The following ZNF536 variants were observed in gnomAD, a reference collection of about 807,000 sequenced individuals.
ZNF536 encodes the protein zinc finger protein 536.
ZNF536 carries 13 observed loss-of-function variants against 84.5 expected under a neutral mutation model. That is an observed-to-expected ratio of 0.15 (90% CI 0.10 to 0.24). The LOEUF (loss-of-function observed/expected upper bound fraction) is 0.24, where lower values mean the gene tolerates loss of function less well. Ranked by LOEUF, ZNF536 falls within the 10% of genes least tolerant of loss-of-function variation. ZNF536 has a pLI of 1.00. For missense variants in ZNF536, 1,536 were observed against 1,747.5 expected (o/e 0.88, Z 2.16); for synonymous variants, 811 against 742.5 (o/e 1.09, Z -1.50).
At chr19:30,368,621 T>TAAA (rs1224727258), upstream of ZNF536, among the ~76,000 whole-genome samples, 4 of 152,224 alleles carry the variant, frequency 2.6e-5, no homozygotes, top group Admixed American at 2.6e-4. Context: ...TATTTTTACA[T>TAAA]GAAACTCAAC....
At chr19:30,572,715 G>T (rs536536519) in intron 1 of ZNF536, among the ~76,000 whole-genome samples, 2 of 152,130 alleles carry the variant, frequency 1.3e-5, no homozygotes, top group Non-Finnish European at 2.9e-5. Context: ...AAATAAGTTC[G>T]GCATAGGATG....
intron 1 of ZNF536, among the ~76,000 whole-genome samples, chr19:30,590,713 GC>G (rs763778199): frequency 1.3e-5 from 2 of 152,188 alleles, no homozygotes; most frequent in Non-Finnish European, 2.9e-5. Context: ...ACCTCACAGA[GC>G]CCCTTTCAGT....
rs527724928 is a variant in ZNF536 at position 30,383,472 on chromosome 19, C to A, written c.-3+10916C>A. 6.6e-5 allele frequency among the ~76,000 whole-genome samples: 10 copies of A among 152,268 alleles called. No individual in the cohort carries two copies. The South Asian group carries it at 2.1e-3, about 32-fold the overall frequency. Reference sequence around the variant, plus strand: ...AGGAGGCCCTGTGGAGGTGGCTGCACCCCACCAACCACTCTGCTAGCTGGA... The same window carrying A: ...AGGAGGCCCTGTGGAGGTGGCTGCAACCCACCAACCACTCTGCTAGCTGGA... On this transcript the variant is annotated intron_variant, in intron 1 of 4. Coordinates refer to ENST00000355537, the MANE Select transcript of ZNF536 (RefSeq NM_014717.3).
At chr19:30,379,487 A>G (rs1476005216) in intron 1 of ZNF536, among the ~76,000 whole-genome samples, 2 of 151,644 alleles carry the variant, frequency 1.3e-5, no homozygotes, top group Non-Finnish European at 2.9e-5. Flanking sequence ...TGTGGGGTTG[A>G]TTCCTGTCGC....
At chr19:30,413,004 A>G (rs933733659) in intron 1 of ZNF536, among the ~76,000 whole-genome samples, 1 of 151,708 alleles carries the variant, frequency 6.6e-6, no homozygotes, top group Non-Finnish European at 1.5e-5. Context: ...TTCAAATTTA[A>G]TGGTATAAAG....
At position 30,388,615 on chromosome 19, in the gene ZNF536, T is replaced by C. The variant is rs185426236; in HGVS notation, c.-3+16059T>C. Among the ~76,000 whole-genome samples the C allele has an allele frequency of 2.4e-3, 369 of 152,338 alleles. 2 individuals carry two copies. The highest frequency in any genetic ancestry group is 4.0e-3 in the Non-Finnish European group (271 of 68,040). ...TTCAACTTCTTCACTTGGGGGAATT[T>C]TCCAGGGCAAGCCAGTGTTGTAGGT... On this transcript the variant is annotated intron_variant, in intron 1 of 4. Coordinates refer to ENST00000355537, the MANE Select transcript of ZNF536 (RefSeq NM_014717.3).
Position 30,666,396 on chromosome 19 carries a change from T to C in ZNF536, c.170-44361T>C, listed in dbSNP as rs540574398. Among the ~76,000 whole-genome samples, 7 of 152,110 alleles carry C rather than the reference T, an allele frequency of 4.6e-5. No individual in the cohort carries two copies. In the East Asian group the frequency reaches 1.4e-3, roughly 30 times the overall value. ...TCTTTTCTCCCTCCCTTTCCCTGCC[T>C]CCTCCCTCCCTTCCACTCCCTCCTC... On this transcript the variant is annotated intron_variant, in intron 1 of 1. Transcript: ENST00000592773.
At chr19:30,255,253 A>C (rs958251863) in intron 1 of ZNF536, among the ~76,000 whole-genome samples, 4 of 151,998 alleles carry the variant, frequency 2.6e-5, no homozygotes, top group Admixed American at 6.6e-5. Flanking sequence ...ATTCGGTGGG[A>C]ACATATGGCT....
At chr19:30,537,692 G>T (rs1020939713) in intron 3 of ZNF536, among the ~76,000 whole-genome samples, 2 of 152,168 alleles carry the variant, frequency 1.3e-5, no homozygotes, top group Non-Finnish European at 1.5e-5. Context: ...ATTGCTCTTC[G>T]CAGTTTTCAA....
chr19:30,525,974 A>G (rs1444032235), intron 2 of ZNF536, among the ~76,000 whole-genome samples: 1 of 152,214 alleles, frequency 6.6e-6, no homozygotes, highest in East Asian at 1.9e-4. Flanking sequence ...GCCCCCAACC[A>G]GAGGCTGTTC....
In ZNF536 at chr19:30,548,664, C is replaced by T. The variant is rs1912715749; in HGVS notation, c.3045C>T (p.Leu1015=). The T allele has an allele frequency of 5.0e-6, 8 of 1,614,076 alleles. No homozygotes were observed. The highest frequency in any genetic ancestry group is 1.1e-5 in the South Asian group (1 of 91,080). ...FCAFTTSSME[L]MALHLQANHL... ...CTTTCACAACGTCCTCCATGGAGCTCATGGCCCTTCATCTCCAGGCCAACC... is the reference window on the plus strand; with the variant it reads ...CTTTCACAACGTCCTCCATGGAGCTTATGGCCCTTCATCTCCAGGCCAACC... Residue 1015 remains leucine (L), a synonymous_variant, in exon 4 of 5, where the codon CTC becomes CTT. Transcript: ENST00000355537.
At chr19:30,447,239 G>A (rs1294583212) in intron 2 of ZNF536, among the ~76,000 whole-genome samples, 1 of 151,958 alleles carries the variant, frequency 6.6e-6, no homozygotes, top group Non-Finnish European at 1.5e-5. Flanking sequence ...TACCTATTTC[G>A]ATCTTGGAGG....
chr19:30,623,020 G>GTTTTTTTTT (rs66483120), intron 1 of ZNF536, among the ~76,000 whole-genome samples: 9 of 129,500 alleles, frequency 6.9e-5, no homozygotes, highest in Non-Finnish European at 8.0e-5. Flanking sequence ...AAAATCTTGT[G>GTTTTTTTTT]TTTTTTTTTT....
intron 2 of ZNF536, among the ~76,000 whole-genome samples, chr19:30,343,609 A>G (rs2047634521): frequency 6.6e-6 from 1 of 152,204 alleles, no homozygotes; most frequent in African/African-American, 2.4e-5. Flanking sequence ...CACGCAGTGA[A>G]ATTAAAAGCT....
chr19:30,376,632 T>C (rs947659955), intron 1 of ZNF536, among the ~76,000 whole-genome samples: 1 of 151,704 alleles, frequency 6.6e-6, no homozygotes, highest in Admixed American at 6.6e-5. Flanking sequence ...GTGGTGGGAG[T>C]GTCAGTGAGC....
At chr19:30,256,596 G>A (rs190731510) in intron 1 of ZNF536, among the ~76,000 whole-genome samples, 3 of 152,284 alleles carry the variant, frequency 2.0e-5, no homozygotes, top group Non-Finnish European at 4.4e-5. Context: ...AGAAAGACCC[G>A]AGTGAGGGCG....
chr19:30,439,126 C>T (rs2051889566), intron 1 of ZNF536, among the ~76,000 whole-genome samples: 1 of 151,974 alleles, frequency 6.6e-6, no homozygotes, highest in Admixed American at 6.6e-5. Flanking sequence ...CAGGTAGGGA[C>T]TCCCCACCCT....
In ZNF536 at chr19:30,275,122, C is replaced by T. The variant is rs191046877; in HGVS notation, c.-189-8950C>T. ...TCCAGGGCAAAGACATTGGGTGGAG[C>T]GAGGTTCAGGGAGAGCCTGCCAGGC... On this transcript the variant is annotated intron_variant, in intron 1 of 5. Transcript: ENST00000585628. Among the ~76,000 whole-genome samples, 94 of 152,184 alleles carry T rather than the reference C, an allele frequency of 6.2e-4. 1 individual carries two copies. The highest frequency in any genetic ancestry group is 6.8e-3 in the Middle Eastern group (2 of 294).
chr19:30,534,484 C>A (rs188114421), intron 2 of ZNF536, among the ~76,000 whole-genome samples: 15 of 152,158 alleles, frequency 9.9e-5, no homozygotes, highest in Admixed American at 9.8e-4. Flanking sequence ...TACAGTGAGT[C>A]CATATTATAA....
Sources: allele counts gnomAD v4.1 joint callset (sites outside exome capture counted in the v4.1 genomes callset), GRCh38; gene constraint gnomAD v4.1.1; transcripts MANE v1.5; gene names NCBI Gene and HGNC (gene_info 2026-07-23, HGNC 2026-07-21).